The following FBXL17 variants were observed in gnomAD, a reference collection of about 807,000 sequenced individuals.
FBXL17 encodes F-box and leucine rich repeat protein 17.
In FBXL17, 22 loss-of-function variants were observed where a neutral mutation model predicts 66.2. That is an observed-to-expected ratio of 0.33 (90% CI 0.24 to 0.47). FBXL17 has a LOEUF of 0.47. FBXL17 is among the 20% of genes least tolerant of loss of function. The probability of loss-of-function intolerance (pLI) is 1.00; values close to 1 mark genes in which losing one functional copy is unlikely to be tolerated. For synonymous variants in FBXL17, 474 were observed against 400.5 expected, an observed-to-expected ratio of 1.18 and a Z score of -2.19; for missense variants, 878 against 948.2, an observed-to-expected ratio of 0.93 and a Z score of 0.97.
intron 3 of FBXL17, among the ~76,000 whole-genome samples, chr5:108,349,466 C>T (rs545367067): frequency 6.6e-6 from 1 of 152,032 alleles, no homozygotes; most frequent in South Asian, 2.1e-4. Context: ...CAAGTAATGA[C>T]ATCAGAAATA....
rs1752616228 is a variant in FBXL17, at chr5:107,977,272, T to C, written c.1822+43653A>G. ...TCTGAGTTATCATTTATTTTGTTTA[T>C]GGGTTTTCATTTATTTTCTTTGTAA... On this transcript the variant is annotated intron_variant, in intron 7 of 8. Coordinates refer to ENST00000542267, the MANE Select transcript of FBXL17 (RefSeq NM_001163315.3). Among the ~76,000 whole-genome samples, 3 of 152,338 alleles carry C rather than the reference T, an allele frequency of 2.0e-5. No individual in the cohort carries two copies. The South Asian group carries it at 6.2e-4, about 32-fold the overall frequency.
At chr5:107,937,356 T>C (rs1750943467) in intron 7 of FBXL17, among the ~76,000 whole-genome samples, 1 of 152,130 alleles carries the variant, frequency 6.6e-6, no homozygotes, top group African/African-American at 2.4e-5. Context: ...CAGAAGCCAG[T>C]GTTAGACTGA....
intron 6 of FBXL17, among the ~76,000 whole-genome samples, chr5:108,141,021 C>A (rs1751327901): frequency 6.6e-6 from 1 of 152,038 alleles, no homozygotes; most frequent in African/African-American, 2.4e-5. Context: ...CCTATTTGTC[C>A]TAACATGGAA....
intron 4 of FBXL17, among the ~76,000 whole-genome samples, chr5:108,292,446 C>T (rs1758153157): frequency 6.6e-6 from 1 of 152,030 alleles, no homozygotes; most frequent in African/African-American, 2.4e-5. Context: ...TAGTCTGTAT[C>T]TCTAGTCAGC....
chr5:108,070,813 G>A (rs455394), intron 6 of FBXL17, among the ~76,000 whole-genome samples: 118,113 of 152,032 alleles, frequency 0.78, 46,252 homozygotes, highest in East Asian at 0.93. Context: ...GCCCTCTAAA[G>A]TAGAGAGGCC....
intron 7 of FBXL17, among the ~76,000 whole-genome samples, chr5:108,001,854 A>G (rs1286468614): frequency 6.6e-6 from 1 of 150,724 alleles, no homozygotes; most frequent in African/African-American, 2.5e-5. Flanking sequence ...AAAAAAAAAA[A>G]TCCTGGGCTA....
At chr5:107,862,699 C>T (rs1748160240) in intron 8 of FBXL17, among the ~76,000 whole-genome samples, 1 of 152,270 alleles carries the variant, frequency 6.6e-6, no homozygotes, top group East Asian at 1.9e-4. Flanking sequence ...ATCAATATTT[C>T]ATTTATACCG....
intron 6 of FBXL17, among the ~76,000 whole-genome samples, chr5:108,031,750 TCACTA>T (rs1746652322): frequency 6.6e-6 from 1 of 152,126 alleles, no homozygotes; most frequent in African/African-American, 2.4e-5. Context: ...AGATGATACT[TCACTA>T]CACCTGTATT....
At chr5:108,323,580 CAGAAAA>C (rs981430625) in intron 4 of FBXL17, among the ~76,000 whole-genome samples, 10 of 151,640 alleles carry the variant, frequency 6.6e-5, no homozygotes, top group Admixed American at 4.0e-4. Context: ...GCATTTTTTG[CAGAAAA>C]AGAAAAACTC....
At chr5:108,222,532 A>G (rs1754910554) in intron 5 of FBXL17, among the ~76,000 whole-genome samples, 1 of 152,210 alleles carries the variant, frequency 6.6e-6, no homozygotes, top group Admixed American at 6.5e-5. Flanking sequence ...TGATCCTCAC[A>G]ATAAAATTAA....
At chr5:108,379,599 G>C (rs1749697839) in intron 1 of FBXL17, among the ~76,000 whole-genome samples, 1 of 152,176 alleles carries the variant, frequency 6.6e-6, no homozygotes, top group Non-Finnish European at 1.5e-5. Flanking sequence ...TGTAATTAAT[G>C]ACAGTTACTT....
chr5:108,253,940 T>G (rs1756467409), intron 4 of FBXL17, among the ~76,000 whole-genome samples: 2 of 151,698 alleles, frequency 1.3e-5, no homozygotes, highest in African/African-American at 4.8e-5. Flanking sequence ...TTGCAGTGAG[T>G]GGAGTGGGAG....
At chr5:108,098,546 C>T (rs572453789) in intron 6 of FBXL17, among the ~76,000 whole-genome samples, 1 of 152,040 alleles carries the variant, frequency 6.6e-6, no homozygotes, top group East Asian at 1.9e-4. Context: ...GAGATCGAGA[C>T]CATCCTGGCT....
At chr5:108,190,010 T>G (rs980296630) in intron 5 of FBXL17, among the ~76,000 whole-genome samples, 1 of 152,182 alleles carries the variant, frequency 6.6e-6, no homozygotes, top group African/African-American at 2.4e-5. Context: ...AGGACACAGC[T>G]AAGCTATGTC....
At chr5:108,011,793 T>C (rs1015329673) in intron 7 of FBXL17, among the ~76,000 whole-genome samples, 2 of 152,096 alleles carry the variant, frequency 1.3e-5, no homozygotes, top group African/African-American at 4.8e-5. Flanking sequence ...CACTGCACTC[T>C]AGCCTGGGCA....
intron 7 of FBXL17, among the ~76,000 whole-genome samples, chr5:107,882,698 C>G (rs1434002574): frequency 6.6e-6 from 1 of 152,198 alleles, no homozygotes; most frequent in Admixed American, 6.5e-5. Context: ...ATTGTTCTCT[C>G]TGGTATCATC....
At chr5:108,296,500 T>C (rs1030226532) in intron 4 of FBXL17, among the ~76,000 whole-genome samples, 1 of 151,716 alleles carries the variant, frequency 6.6e-6, no homozygotes, top group Non-Finnish European at 1.5e-5. Flanking sequence ...CAACCTAAAA[T>C]AAAAAAATCA....
intron 6 of FBXL17, among the ~76,000 whole-genome samples, chr5:108,045,019 T>C (rs138852419): frequency 1.2e-3 from 183 of 152,312 alleles, no homozygotes; most frequent in Admixed American, 4.6e-3. Context: ...ATTTGTATCT[T>C]ATCTCGTTCT....
At chr5:108,352,265 G>A (rs576698569) in intron 3 of FBXL17, among the ~76,000 whole-genome samples, 39 of 152,194 alleles carry the variant, frequency 2.6e-4, no homozygotes, top group African/African-American at 8.4e-4. Context: ...TCACCATTAC[G>A]CCATCCACAA....
Sources: gnomAD v4.1 joint callset for allele counts (sites outside exome capture counted in the v4.1 genomes callset) on GRCh38, gnomAD v4.1.1 for gene constraint, MANE v1.5 for transcripts, NCBI Gene and HGNC (gene_info 2026-07-23, HGNC 2026-07-21) for gene names.